Variants in STAU2 observed in about 807,000 individuals in gnomAD.
The protein encoded by STAU2 is staufen double-stranded RNA binding protein 2.
Under a neutral mutation model 65.9 loss-of-function variants are expected in STAU2, and 20 were observed. That is an observed-to-expected ratio of 0.30 (90% CI 0.21 to 0.44). The LOEUF (loss-of-function observed/expected upper bound fraction) is 0.44, where lower values mean the gene tolerates loss of function less well. STAU2 is among the 20% of genes least tolerant of loss of function. The pLI is 1.00. For missense variants in STAU2, 558 were observed against 683.9 expected, an observed-to-expected ratio of 0.82 and a Z score of 2.05; for synonymous variants, 232 against 233.9, an observed-to-expected ratio of 0.99 and a Z score of 0.07.
chr8:73,440,923 C>T (rs1459024646), intron 13 of STAU2: 1 of 152,344 alleles, frequency 6.6e-6, no homozygotes, highest in Non-Finnish European at 1.5e-5. Flanking sequence ...GCCCCCGGAT[C>T]TCCAGCACAT....
intron 13 of STAU2, among the ~76,000 whole-genome samples, chr8:73,487,477 T>G (rs1172676311): frequency 6.6e-6 from 1 of 152,122 alleles, no homozygotes; most frequent in Non-Finnish European, 1.5e-5. Flanking sequence ...ATGAAGAATT[T>G]ACTTCTTTCT....
intron 12 of STAU2, among the ~76,000 whole-genome samples, chr8:73,576,245 G>T (rs1809540418): frequency 6.6e-6 from 1 of 151,968 alleles, no homozygotes; most frequent in Admixed American, 6.6e-5. Context: ...CCCAACTGTG[G>T]ACCAACAGAT....
intron 13 of STAU2, among the ~76,000 whole-genome samples, chr8:73,521,699 C>A (rs4737388): frequency 2.6e-5 from 4 of 152,120 alleles, no homozygotes; most frequent in Admixed American, 2.6e-4. Context: ...CAAACTGCAC[C>A]TTCCAGTCAG....
intron 3 of STAU2, among the ~76,000 whole-genome samples, chr8:73,720,288 G>A (rs1586346619): frequency 2.6e-5 from 3 of 114,070 alleles, no homozygotes; most frequent in Admixed American, 2.5e-4. Flanking sequence ...AAGCTATTCA[G>A]GTTATCCATT....
chr8:73,594,411 T>C (rs948726517), intron 11 of STAU2, among the ~76,000 whole-genome samples: 1 of 152,228 alleles, frequency 6.6e-6, no homozygotes, highest in Non-Finnish European at 1.5e-5. Context: ...TGTGAGAAGA[T>C]GGCCTGGTCT....
chr8:73,707,335 GA>G (rs1238219868), intron 4 of STAU2, among the ~76,000 whole-genome samples: 3 of 152,160 alleles, frequency 2.0e-5, no homozygotes, highest in African/African-American at 7.2e-5. Context: ...AAGTGTCACA[GA>G]AAGATGAAAG....
At chr8:73,542,213 C>T (rs1806590151) in intron 13 of STAU2, among the ~76,000 whole-genome samples, 1 of 152,042 alleles carries the variant, frequency 6.6e-6, no homozygotes, top group Admixed American at 6.6e-5. Context: ...AGGAGAGATT[C>T]CTTGCTTAAG....
At chr8:73,619,520 G>A (rs988010432) in intron 6 of STAU2, among the ~76,000 whole-genome samples, 2 of 152,192 alleles carry the variant, frequency 1.3e-5, no homozygotes, top group Admixed American at 1.3e-4. Flanking sequence ...AGATAAACTG[G>A]ATAGAGCGCA....
intron 5 of STAU2, among the ~76,000 whole-genome samples, chr8:73,688,397 CTAACA>C (rs1313109007): frequency 6.6e-6 from 1 of 150,514 alleles, no homozygotes; most frequent in Non-Finnish European, 1.5e-5. Flanking sequence ...AACTAATTAC[CTAACA>C]TGATCCACCC....
chr8:73,436,568 T>TTTTATTTATTTA (rs3032117), intron 13 of STAU2, among the ~76,000 whole-genome samples: 55,841 of 141,190 alleles, frequency 0.4, 11,709 homozygotes, highest in Admixed American at 0.5. Context: ...TTTGCCAATT[T>TTTTATTTATTTA]TTTATTTATT....
intron 11 of STAU2, among the ~76,000 whole-genome samples, chr8:73,592,865 A>C (rs1393996256): frequency 1.3e-5 from 2 of 149,558 alleles, no homozygotes; most frequent in Non-Finnish European, 3.0e-5. Flanking sequence ...TCTCAAAAAA[A>C]CAACAAAAAA....
intron 6 of STAU2, among the ~76,000 whole-genome samples, chr8:73,635,922 A>C (rs1814463505): frequency 1.1e-5 from 1 of 91,460 alleles, no homozygotes; most frequent in African/African-American, 4.3e-5. Flanking sequence ...ACACACACAC[A>C]CACACACACA....
chr8:73,672,803 A>G (rs1817774349), intron 6 of STAU2, among the ~76,000 whole-genome samples: 1 of 152,084 alleles, frequency 6.6e-6, no homozygotes, highest in Non-Finnish European at 1.5e-5. Flanking sequence ...TAAACTGTGA[A>G]ATGACTTTAA....
intron 6 of STAU2, among the ~76,000 whole-genome samples, chr8:73,624,735 C>T (rs1413703575): frequency 6.6e-6 from 1 of 152,178 alleles, no homozygotes; most frequent in Non-Finnish European, 1.5e-5. Context: ...TGCAGAAGTA[C>T]TAACTATAAA....
intron 13 of STAU2, among the ~76,000 whole-genome samples, chr8:73,467,646 G>T (rs1330864449): frequency 1.3e-5 from 2 of 152,202 alleles, no homozygotes; most frequent in Non-Finnish European, 2.9e-5. Context: ...CAAAGGGGCA[G>T]AGAGCATCAA....
rs1207249584 is a variant in STAU2, at chr8:73,627,031, G to T, written c.411-9580C>A. Among the ~76,000 whole-genome samples the T allele has an allele frequency of 2.6e-5, 4 of 152,050 alleles. No homozygotes were observed. The East Asian group carries it at 7.7e-4, about 29-fold the overall frequency. ...GTGGCTGACAAGCAAAGCAGTGCTG[G>T]AAGTGTTCCTACTTTGCAACTGTGA... is the stretch of plus-strand genomic sequence containing the variant. On this transcript the variant is annotated intron_variant, in intron 6 of 14. Coordinates refer to ENST00000524300, the MANE Select transcript of STAU2 (RefSeq NM_001164380.2).
At chr8:73,467,112 A>G (rs574535723) in intron 13 of STAU2, among the ~76,000 whole-genome samples, 2 of 152,378 alleles carry the variant, frequency 1.3e-5, no homozygotes, top group South Asian at 2.1e-4. Flanking sequence ...TCTTCCATTT[A>G]CAAGTCTATC....
chr8:73,598,811 G>A (rs757641418), intron 10 of STAU2, among the ~76,000 whole-genome samples: 1 of 152,122 alleles, frequency 6.6e-6, no homozygotes, highest in Non-Finnish European at 1.5e-5. Context: ...TGATTAGATT[G>A]TAATAAGCTC....
intron 12 of STAU2, among the ~76,000 whole-genome samples, chr8:73,578,838 C>T (rs1010243188): frequency 6.6e-6 from 1 of 152,176 alleles, no homozygotes; most frequent in Non-Finnish European, 1.5e-5. Flanking sequence ...TTTTAACTGT[C>T]TCACTACAAA....
Sources: allele counts gnomAD v4.1 joint callset (sites outside exome capture counted in the v4.1 genomes callset), GRCh38; gene constraint gnomAD v4.1.1; transcripts MANE v1.5; gene names NCBI Gene and HGNC (gene_info 2026-07-23, HGNC 2026-07-21).